KLHL7: variants seen among roughly 807,000 people sequenced by gnomAD.
The protein encoded by KLHL7 is kelch like family member 7.
In KLHL7, 44 loss-of-function variants were observed where a neutral mutation model predicts 67.4. The observed-to-expected ratio is 0.65, with a 90% CI of 0.51 to 0.84. The LOEUF (loss-of-function observed/expected upper bound fraction) is 0.84, where lower values mean the gene tolerates loss of function less well. KLHL7 is among the 40% of genes least tolerant of loss of function. The pLI is 0.00. For synonymous variants in KLHL7, 252 were observed against 243.3 expected (o/e 1.04, Z -0.33); for missense variants, 362 against 718.1 (o/e 0.50, Z 5.67).
intron 7 of KLHL7, among the ~76,000 whole-genome samples, chr7:23,154,504 A>T (rs1234370909): frequency 6.6e-6 from 1 of 152,190 alleles, no homozygotes; most frequent in East Asian, 1.9e-4. Flanking sequence ...AGGCTAACTT[A>T]TCTTCTGTCC....
chr7:23,166,897 A>G (rs1158200662), intron 8 of KLHL7, among the ~76,000 whole-genome samples: 1 of 152,002 alleles, frequency 6.6e-6, no homozygotes, highest in Non-Finnish European at 1.5e-5. Context: ...ATATTTTCCT[A>G]TAGTGTCCAC....
intron 1 of KLHL7, among the ~76,000 whole-genome samples, chr7:23,108,143 G>C (rs972288696): frequency 6.6e-6 from 1 of 152,178 alleles, no homozygotes; most frequent in African/African-American, 2.4e-5. Flanking sequence ...TGAGTGCCTA[G>C]ATGACAAGGA....
chr7:23,121,449 C>A (rs963400844), intron 1 of KLHL7, among the ~76,000 whole-genome samples: 2 of 144,770 alleles, frequency 1.4e-5, no homozygotes, highest in African/African-American at 5.5e-5. Flanking sequence ...ACACACACCA[C>A]CACGCCTGGC....
At chr7:23,139,911 T>C (rs907424271) in intron 4 of KLHL7, among the ~76,000 whole-genome samples, 51 of 151,994 alleles carry the variant, frequency 3.4e-4, no homozygotes, top group Non-Finnish European at 4.4e-5. Flanking sequence ...CCTCTTTTTT[T>C]TTTTTTCCTT....
rs74942994 is a variant in KLHL7, at chr7:23,139,904, C to CT, written c.443-852dup. On this transcript the variant is annotated intron_variant, in intron 4 of 10. Coordinates refer to ENST00000339077, the MANE Select transcript of KLHL7 (RefSeq NM_001031710.3). Reference sequence around the variant, plus strand: ...CTTCACTTCTCCCTTTTCTCCTCCTCTTTTTTTTTTTTTCCTTAACCTTTC... The same window carrying CT: ...CTTCACTTCTCCCTTTTCTCCTCCTCTTTTTTTTTTTTTTCCTTAACCTTTC... Among the ~76,000 whole-genome samples, 449 of 143,608 alleles carry CT rather than the reference C, an allele frequency of 3.1e-3. 1 individual carries two copies. The highest frequency in any genetic ancestry group is 7.5e-3 in the Middle Eastern group (2 of 268). 94.2% of individuals were successfully genotyped at this position (143,608 alleles called of 152,430 possible). A position where few individuals can be genotyped will look rare whatever the true frequency, so the allele number is the denominator to read the frequency against.
At chr7:23,143,095 CAG>C (rs778965665) in intron 5 of KLHL7, among the ~76,000 whole-genome samples, 5 of 152,002 alleles carry the variant, frequency 3.3e-5, no homozygotes, top group Non-Finnish European at 7.4e-5. Flanking sequence ...AAAATTAACT[CAG>C]AAAGAGATCA....
At chr7:23,136,208 A>C (rs570190148) in intron 4 of KLHL7, among the ~76,000 whole-genome samples, 1 of 152,310 alleles carries the variant, frequency 6.6e-6, no homozygotes, top group Non-Finnish European at 1.5e-5. Flanking sequence ...CAAGGTTGCA[A>C]ATGAGAGGGA....
intron 4 of KLHL7, among the ~76,000 whole-genome samples, chr7:23,131,924 C>T (rs1428656745): frequency 6.6e-6 from 1 of 151,968 alleles, no homozygotes; most frequent in Non-Finnish European, 1.5e-5. Flanking sequence ...CTGTGCCTGG[C>T]TTATTTCACT....
chr7:23,117,496 C>T (rs1403047611), intron 1 of KLHL7, among the ~76,000 whole-genome samples: 3 of 152,088 alleles, frequency 2.0e-5, no homozygotes, highest in African/African-American at 7.2e-5. Flanking sequence ...TCTTAAAGGG[C>T]AATTATGCCC....
At chr7:23,125,720 A>C (rs923691601) in intron 4 of KLHL7, 60 of 1,456,584 alleles carry the variant, frequency 4.1e-5, no homozygotes, top group Non-Finnish European at 5.3e-5. Context: ...TGCTATAGCC[A>C]TTTTGAAGCT....
At chr7:23,163,706 T>C (rs769127942) in intron 7 of KLHL7, among the ~76,000 whole-genome samples, 13 of 152,060 alleles carry the variant, frequency 8.5e-5, no homozygotes, top group Non-Finnish European at 1.5e-4. Flanking sequence ...CCAAGGAAAA[T>C]AGGACTTTAT....
chr7:23,168,968 A>T (rs143427057), intron 9 of KLHL7, among the ~76,000 whole-genome samples: 1,577 of 152,306 alleles, frequency 0.01, 28 homozygotes, highest in Non-Finnish European at 0.011. Context: ...TTTTAAAATT[A>T]AGAAATAAGA....
chr7:23,118,796 G>GT (rs1314074778), intron 1 of KLHL7, among the ~76,000 whole-genome samples: 3 of 152,118 alleles, frequency 2.0e-5, no homozygotes, highest in African/African-American at 7.2e-5. Context: ...TTTGAGCCAG[G>GT]TGTGGTAGCT....
intron 9 of KLHL7, among the ~76,000 whole-genome samples, chr7:23,170,553 A>C (rs1442196968): frequency 6.6e-6 from 1 of 152,228 alleles, no homozygotes; most frequent in Non-Finnish European, 1.5e-5. Flanking sequence ...ATATTTCAAA[A>C]TAGCTAGAGA....
intron 7 of KLHL7, among the ~76,000 whole-genome samples, chr7:23,153,977 A>G (rs1484470418): frequency 2.0e-5 from 3 of 152,232 alleles, no homozygotes; most frequent in African/African-American, 7.2e-5. Context: ...TCAGCTTTGC[A>G]TGCCATTCAT....
chr7:23,159,526 A>T (rs952728708), intron 7 of KLHL7, among the ~76,000 whole-genome samples: 4 of 151,990 alleles, frequency 2.6e-5, no homozygotes. Context: ...CAAGTCAGTT[A>T]GGATTTTCTC....
intron 1 of KLHL7, among the ~76,000 whole-genome samples, chr7:23,112,465 T>A (rs567253339): frequency 6.6e-5 from 10 of 152,046 alleles, no homozygotes; most frequent in African/African-American, 2.2e-4. Context: ...GAGTCAAGAG[T>A]CCAGAGTCCA....
chr7:23,124,647 G>A, intron 2 of KLHL7, 41 bp from the exon 3 acceptor site: 1 of 1,200,050 alleles, frequency 8.3e-7, no homozygotes, highest in Non-Finnish European at 1.2e-6. Context: ...TCAAACTTGT[G>A]GTAGTACAGA....
At chr7:23,123,948 A>G (rs1391348447) in intron 2 of KLHL7, 69 bp downstream of exon 2, 15 of 1,098,616 alleles carry the variant, frequency 1.4e-5, no homozygotes, top group South Asian at 5.2e-5. Flanking sequence ...AAAAGAGAAT[A>G]TGTCATTTTT....
Sources: gnomAD v4.1 joint callset for allele counts (sites outside exome capture counted in the v4.1 genomes callset) on GRCh38, gnomAD v4.1.1 for gene constraint, MANE v1.5 for transcripts, NCBI Gene and HGNC (gene_info 2026-07-23, HGNC 2026-07-21) for gene names.